Variants in LOC128462377 observed in about 807,000 individuals in gnomAD.
the LOC128462377 span, among the ~76,000 whole-genome samples, chr16:89,366,508 C>T: frequency 6.6e-6 from 1 of 152,166 alleles, no homozygotes; most frequent in Non-Finnish European, 1.5e-5. Context: ...TTAACCTTTT[C>T]GTAACAGCCA....
At chr16:89,351,455 C>A in the LOC128462377 span, among the ~76,000 whole-genome samples, 1 of 152,188 alleles carries the variant, frequency 6.6e-6, no homozygotes, top group Non-Finnish European at 1.5e-5. Context: ...GCATTCATTA[C>A]CCACTACACC....
At chr16:89,407,712 T>C in the LOC128462377 span, among the ~76,000 whole-genome samples, 1 of 152,060 alleles carries the variant, frequency 6.6e-6, no homozygotes, top group East Asian at 1.9e-4. Flanking sequence ...TAGCCAGGCA[T>C]TGTGGTGTGC....
At chr16:89,353,971 G>A in the LOC128462377 span, among the ~76,000 whole-genome samples, 2 of 152,150 alleles carry the variant, frequency 1.3e-5, no homozygotes, top group East Asian at 1.9e-4. Context: ...GGCGGAGCTG[G>A]CTTCCAGCCT....
chr16:89,320,888 G>A, the LOC128462377 span, among the ~76,000 whole-genome samples: 1 of 152,252 alleles, frequency 6.6e-6, no homozygotes, highest in East Asian at 1.9e-4. Context: ...CCCCTGCAAT[G>A]GGGCTCAAAA....
the LOC128462377 span, among the ~76,000 whole-genome samples, chr16:89,396,431 C>T: frequency 6.6e-6 from 1 of 152,134 alleles, no homozygotes; most frequent in Non-Finnish European, 1.5e-5. Flanking sequence ...CTGCTGGAAA[C>T]GCTCACAGCA....
At chr16:89,415,185 C>A in the LOC128462377 span, among the ~76,000 whole-genome samples, 7 of 151,538 alleles carry the variant, frequency 4.6e-5, no homozygotes, top group South Asian at 1.2e-3. Flanking sequence ...CACTCCTGAG[C>A]TCAAGTGATC....
the LOC128462377 span, chr16:89,324,281 C>T: frequency 1.6e-6 from 2 of 1,249,922 alleles, no homozygotes; most frequent in Non-Finnish European, 2.1e-6. Flanking sequence ...GAGCCCCGTG[C>T]TCCGGAACAC....
At chr16:89,340,504 A>G in the LOC128462377 span, among the ~76,000 whole-genome samples, 1 of 152,250 alleles carries the variant, frequency 6.6e-6, no homozygotes, top group African/African-American at 2.4e-5. Flanking sequence ...TGAACTCCTG[A>G]CTTCAGGCGA....
chr16:89,369,020 C>T, the LOC128462377 span, among the ~76,000 whole-genome samples: 1 of 152,144 alleles, frequency 6.6e-6, no homozygotes, highest in African/African-American at 2.4e-5. Flanking sequence ...AAGATGTAAG[C>T]AGCAGACTGA....
chr16:89,382,237 C>T, the LOC128462377 span, among the ~76,000 whole-genome samples: 1 of 152,096 alleles, frequency 6.6e-6, no homozygotes, highest in African/African-American at 2.4e-5. Context: ...AGGAGTGACC[C>T]AAGCAAAGTT....
At chr16:89,389,846 G>A in the LOC128462377 span, among the ~76,000 whole-genome samples, 1 of 143,960 alleles carries the variant, frequency 6.9e-6, no homozygotes, top group Non-Finnish European at 1.5e-5. Flanking sequence ...AGTGTGGCGG[G>A]GAGCACCGAG....
chr16:89,351,861 T>A, the LOC128462377 span, among the ~76,000 whole-genome samples: 13 of 152,222 alleles, frequency 8.5e-5, no homozygotes, highest in African/African-American at 3.1e-4. Context: ...ACCTTTGAAC[T>A]GTGCGCTTTA....
chr16:89,384,879 C>CTTTCTTTTTTTTTTT, the LOC128462377 span, among the ~76,000 whole-genome samples: 1 of 49,910 alleles, frequency 2.0e-5, no homozygotes, highest in Non-Finnish European at 3.5e-5. Context: ...AAATAGTTTT[C>CTTTCTTTTTTTTTTT]TTTTTTTTTT....
the LOC128462377 span, among the ~76,000 whole-genome samples, chr16:89,385,754 G>C: frequency 6.6e-6 from 1 of 152,280 alleles, no homozygotes; most frequent in Non-Finnish European, 1.5e-5. Flanking sequence ...TCTGACGACA[G>C]AAGGCTAACG....
chr16:89,404,108 T>G, the LOC128462377 span, among the ~76,000 whole-genome samples: 1 of 152,200 alleles, frequency 6.6e-6, no homozygotes, highest in African/African-American at 2.4e-5. Flanking sequence ...GCCCGGCACA[T>G]GATTGTGAAG....
the LOC128462377 span, chr16:89,322,991 G>A: frequency 6.2e-5 from 18 of 291,736 alleles, no homozygotes; most frequent in African/African-American, 9.1e-5. Context: ...GTACAGGCCC[G>A]TGGCACCATG....
At chr16:89,380,560 C>CT in the LOC128462377 span, among the ~76,000 whole-genome samples, 1 of 25,910 alleles carries the variant, frequency 3.9e-5, no homozygotes, top group African/African-American at 2.0e-4. Flanking sequence ...AGCCCCAGGA[C>CT]CTGCCCGCTG....
chr16:89,370,809 G>GC, the LOC128462377 span: 78 of 152,634 alleles, frequency 5.1e-4, no homozygotes, highest in Non-Finnish European at 1.0e-3. Flanking sequence ...GCTGATGTCA[G>GC]CCCCAGACGA....
At chr16:89,366,129 C>CAAAAAA in the LOC128462377 span, among the ~76,000 whole-genome samples, 10 of 60,426 alleles carry the variant, frequency 1.7e-4, no homozygotes, top group African/African-American at 5.0e-4. Flanking sequence ...GACTCCATCT[C>CAAAAAA]AAAAAAAAAA....
Sources: allele counts gnomAD v4.1 joint callset (sites outside exome capture counted in the v4.1 genomes callset), GRCh38; gene constraint gnomAD v4.1.1; transcripts MANE v1.5.